MACF1: variants seen among roughly 807,000 people sequenced by gnomAD.
MACF1 encodes the protein microtubule-actin cross-linking factor 1.
In MACF1, 193 loss-of-function variants were observed where a neutral mutation model predicts 854.8. The ratio of observed to expected loss-of-function variants is 0.23; its 90% CI spans 0.20 to 0.25. The LOEUF is 0.25. Among genes scored for constraint, MACF1 ranks in the 10% least tolerant of loss-of-function variants. The pLI, the probability that MACF1 is intolerant of heterozygous loss-of-function variation, is 1.00. For synonymous variants in MACF1, 3,185 were observed against 3,226.7 expected, an observed-to-expected ratio of 0.99 and a Z score of 0.44; for missense variants, 7,722 against 8,929.1, an observed-to-expected ratio of 0.86 and a Z score of 5.45.
chr1:39,134,793 A>G lies in MACF1; in HGVS notation c.220+50355A>G, dbSNP rs548676958. On this transcript the variant is annotated intron_variant, in intron 2 of 93. Coordinates refer to the MACF1 transcript ENST00000361689. ...TTTTTTTATGATAAAATACACTAAT[A>G]TAACATTTAGCATTTTAGCCATCTG... 4.3e-4 allele frequency among the ~76,000 whole-genome samples: 66 copies of G among 152,360 alleles called. 1 individual carries two copies. The South Asian group carries it at 0.013, about 31-fold the overall frequency.
At chr1:39,321,396 A>T (rs1463233674) in intron 31 of MACF1, among the ~76,000 whole-genome samples, 1 of 152,178 alleles carries the variant, frequency 6.6e-6, no homozygotes, top group African/African-American at 2.4e-5. Context: ...ATTATATTTT[A>T]ATGTTCTTAC....
intron 2 of MACF1, among the ~76,000 whole-genome samples, chr1:39,173,819 A>G (rs1200284845): frequency 6.6e-6 from 1 of 152,170 alleles, no homozygotes; most frequent in Admixed American, 6.5e-5. Context: ...TTTCTCTGCC[A>G]AAGAATCTTT....
chr1:39,411,909 G>A (rs1643024533), intron 58 of MACF1: 1 of 1,613,840 alleles, frequency 6.2e-7, no homozygotes, highest in Non-Finnish European at 8.5e-7. Context: ...CTTCTCAGGT[G>A]CCTAATGCTG....
intron 53 of MACF1, 140 bp from the exon 54 acceptor site, chr1:39,379,063 A>G (rs2148552874): frequency 5.4e-6 from 5 of 922,744 alleles, no homozygotes; most frequent in Admixed American, 5.3e-5. Flanking sequence ...TATAAATGGG[A>G]ACTTTTGTAT....
upstream of MACF1, among the ~76,000 whole-genome samples, chr1:39,200,759 T>A (rs1438983352): frequency 4.6e-5 from 7 of 150,648 alleles, no homozygotes; most frequent in East Asian, 1.4e-3. Context: ...TCTAGATTCA[T>A]ATATTCAATT....
At chr1:39,471,998 C>T (rs1351643692) in intron 97 of MACF1, among the ~76,000 whole-genome samples, 1 of 152,180 alleles carries the variant, frequency 6.6e-6, no homozygotes, top group Non-Finnish European at 1.5e-5. Context: ...TGAATTTTAA[C>T]ATGCCCGCAT....
Position 39,156,984 on chromosome 1 carries a change from C to T in MACF1, c.220+72546C>T, listed in dbSNP as rs539585597. Among the ~76,000 whole-genome samples, 189 of 125,470 alleles carry T rather than the reference C, an allele frequency of 1.5e-3. 3 individuals carry two copies. The South Asian group carries it at 0.042, about 28-fold the overall frequency. 82.3% of individuals were successfully genotyped at this position (125,470 alleles called of 152,430 possible). A position where few individuals can be genotyped will look rare whatever the true frequency, so the allele number is the denominator to read the frequency against. ...CCATTATCTTTTTTTTTTTTTTTTC[C>T]TCTAAGTTGGGGTCTTGCTCTGTCA... On this transcript the variant is annotated intron_variant, in intron 2 of 93. Coordinates refer to the MACF1 transcript ENST00000361689.
At chr1:39,157,838 C>G (rs939164310) in intron 2 of MACF1, among the ~76,000 whole-genome samples, 3 of 152,096 alleles carry the variant, frequency 2.0e-5, no homozygotes, top group Non-Finnish European at 4.4e-5. Context: ...CCCCAAGTAG[C>G]TGGGACTGCA....
intron 2 of MACF1, among the ~76,000 whole-genome samples, chr1:39,097,426 A>T (rs1641964444): frequency 6.6e-6 from 1 of 152,148 alleles, no homozygotes; most frequent in South Asian, 2.1e-4. Context: ...TCAGGTCCTT[A>T]ACATCATGGC....
rs376991924 is a variant in MACF1 at position 39,263,308 on chromosome 1, G to T, written c.528+5280G>T. 5.5e-4 allele frequency among the ~76,000 whole-genome samples: 83 copies of T among 152,290 alleles called. 2 individuals carry two copies. The South Asian group carries it at 0.017, about 31-fold the overall frequency. On this transcript the variant is annotated intron_variant, in intron 6 of 100. Transcript: ENST00000564288. ...AGATTAAAGATTTGTGACTGCTGAT[G>T]AGGCTGGTAATATTGATAACTTCAT...
At chr1:39,112,233 C>T (rs182922122) in intron 2 of MACF1, among the ~76,000 whole-genome samples, 41 of 151,468 alleles carry the variant, frequency 2.7e-4, no homozygotes, top group African/African-American at 9.0e-4. Context: ...ATTACAGATA[C>T]ATGCCACCAC....
chr1:39,475,479 A>AG (rs1644861558), intron 97 of MACF1, among the ~76,000 whole-genome samples: 1 of 151,416 alleles, frequency 6.6e-6, no homozygotes, highest in African/African-American at 2.4e-5. Flanking sequence ...AAAAAAAAAA[A>AG]AAAAAATGCA....
chr1:39,100,223 G>T (rs59244280), intron 2 of MACF1, among the ~76,000 whole-genome samples: 4,047 of 152,068 alleles, frequency 0.027, 157 homozygotes, highest in African/African-American at 0.085. Flanking sequence ...AGAGTAAGAC[G>T]CTGCCTCTAA....
intron 80 of MACF1, among the ~76,000 whole-genome samples, chr1:39,446,517 G>A (rs1644235168): frequency 6.6e-6 from 1 of 150,602 alleles, no homozygotes; most frequent in East Asian, 1.9e-4. Context: ...GTGGGGGGTG[G>A]TTACAAAAAT....
chr1:39,417,554 G>GTT lies in MACF1; in HGVS notation c.15817-4810_15817-4809dup, dbSNP rs557585953. Among the ~76,000 whole-genome samples, 12 of 141,778 alleles carry GTT rather than the reference G, an allele frequency of 8.5e-5. No homozygotes were observed. In the South Asian group the frequency reaches 9.0e-4, roughly 11 times the overall value. 93.0% of individuals were successfully genotyped at this position (141,778 alleles called of 152,430 possible). On this transcript the variant is annotated intron_variant, in intron 58 of 100. Coordinates refer to ENST00000564288, the MANE Select transcript of MACF1 (RefSeq NM_001394062.1). ...ATTCATGGAACAAAAAAAAGTTTTT[G>GTT]TTTTTTTTTTTAGACAGAGTCTCAC...
intron 5 of MACF1, 130 bp from the exon 6 acceptor site, chr1:39,257,806 G>A: frequency 1.5e-6 from 1 of 677,122 alleles, no homozygotes; most frequent in Non-Finnish European, 2.5e-6. Context: ...CTATACATGT[G>A]TTAAAACTCA....
At chr1:39,400,134 T>G (rs1331472160) in intron 58 of MACF1, among the ~76,000 whole-genome samples, 1 of 152,230 alleles carries the variant, frequency 6.6e-6, no homozygotes, top group African/African-American at 2.4e-5. Flanking sequence ...AATGTGCTAC[T>G]TCTTATGCAC....
chr1:39,237,950 ATGT>A (rs1644878110), intron 2 of MACF1, among the ~76,000 whole-genome samples: 1 of 152,192 alleles, frequency 6.6e-6, no homozygotes, highest in South Asian at 2.1e-4. Context: ...AAACTTGTCA[ATGT>A]TGTTCCTTAT....
intron 2 of MACF1, among the ~76,000 whole-genome samples, chr1:39,095,538 G>C (rs1475197441): frequency 7.4e-6 from 1 of 134,756 alleles, no homozygotes; most frequent in African/African-American, 2.9e-5. Flanking sequence ...ACTCCAGCCT[G>C]GTGACAGAGT....
Sources: allele counts gnomAD v4.1 joint callset (sites outside exome capture counted in the v4.1 genomes callset), GRCh38; gene constraint gnomAD v4.1.1; transcripts MANE v1.5; gene names NCBI Gene and HGNC (gene_info 2026-07-23, HGNC 2026-07-21).